Variants in STK32B observed in about 807,000 individuals in gnomAD.
The protein encoded by STK32B is serine/threonine kinase 32B.
In STK32B, 43 loss-of-function variants were observed where a neutral mutation model predicts 52.6. That is an observed-to-expected ratio of 0.82 (90% CI 0.64 to 1.05). The LOEUF (loss-of-function observed/expected upper bound fraction) is 1.05. STK32B is among the 50% of genes least tolerant of loss of function. The probability of loss-of-function intolerance (pLI) is 0.00; values close to 1 mark genes in which losing one functional copy is unlikely to be tolerated. For synonymous variants in STK32B, 238 were observed against 204.3 expected (o/e 1.17, Z -1.41); for missense variants, 621 against 534.6 (o/e 1.16, Z -1.59).
chr4:5,323,251 A>G (rs1440802261), intron 3 of STK32B, among the ~76,000 whole-genome samples: 1 of 152,094 alleles, frequency 6.6e-6, no homozygotes, highest in Non-Finnish European at 1.5e-5. Flanking sequence ...GAGTTCTGAA[A>G]TGGAATCACC....
intron 1 of STK32B, among the ~76,000 whole-genome samples, chr4:5,072,021 A>G (rs1020252711): frequency 1.3e-5 from 2 of 151,978 alleles, no homozygotes; most frequent in African/African-American, 4.8e-5. Context: ...AGATGCCCCA[A>G]CTCCTCATCT....
chr4:5,482,846 A>T (rs939331991), intron 11 of STK32B, among the ~76,000 whole-genome samples: 1 of 152,136 alleles, frequency 6.6e-6, no homozygotes, highest in Non-Finnish European at 1.5e-5. Flanking sequence ...TGAGATAATC[A>T]TGTGGTTTTT....
chr4:5,107,117 A>G (rs1364101406), intron 1 of STK32B, among the ~76,000 whole-genome samples: 1 of 152,120 alleles, frequency 6.6e-6, no homozygotes, highest in Non-Finnish European at 1.5e-5. Context: ...GCCTCCTGTC[A>G]CATTAGCTCC....
At chr4:5,482,824 T>C (rs1718831619) in intron 11 of STK32B, among the ~76,000 whole-genome samples, 1 of 152,212 alleles carries the variant, frequency 6.6e-6, no homozygotes, top group Non-Finnish European at 1.5e-5. Context: ...CAAAGGCCTT[T>C]TCTGCATCTA....
intron 6 of STK32B, among the ~76,000 whole-genome samples, chr4:5,442,999 T>C (rs1714947649): frequency 6.6e-6 from 1 of 151,630 alleles, no homozygotes; most frequent in Admixed American, 6.6e-5. Flanking sequence ...GGCTTCCCTT[T>C]GAGGGTAACC....
intron 11 of STK32B, among the ~76,000 whole-genome samples, chr4:5,477,483 C>T (rs1718331973): frequency 6.6e-6 from 1 of 152,160 alleles, no homozygotes; most frequent in Admixed American, 6.5e-5. Context: ...GTCCATTATT[C>T]ACCACCCACC....
At chr4:5,381,152 A>T (rs77709971) in intron 4 of STK32B, among the ~76,000 whole-genome samples, 5,585 of 152,290 alleles carry the variant, frequency 0.037, 336 homozygotes, top group African/African-American at 0.13. Context: ...AAGCTGTGAA[A>T]ATGTGATAGA....
At chr4:5,443,244 A>G (rs1281460468) in intron 6 of STK32B, among the ~76,000 whole-genome samples, 11 of 147,126 alleles carry the variant, frequency 7.5e-5, no homozygotes, top group Non-Finnish European at 1.4e-4. Flanking sequence ...AGGTACACCA[A>G]TCAGACGTAG....
At chr4:5,417,025 GC>G in intron 6 of STK32B, 91 bp downstream of exon 6, 1 of 1,150,054 alleles carries the variant, frequency 8.7e-7, no homozygotes, top group Non-Finnish European at 1.2e-6. Context: ...ACTGCCCGCT[GC>G]CACATACCCT....
intron 3 of STK32B, among the ~76,000 whole-genome samples, chr4:5,268,871 G>A (rs1215740113): frequency 1.3e-5 from 2 of 151,990 alleles, no homozygotes; most frequent in African/African-American, 4.8e-5. Flanking sequence ...AAAACAATAA[G>A]CAATAGTTTG....
At chr4:5,456,012 C>T (rs1716479966) in intron 7 of STK32B, among the ~76,000 whole-genome samples, 1 of 152,024 alleles carries the variant, frequency 6.6e-6, no homozygotes, top group Non-Finnish European at 1.5e-5. Context: ...GACCGCAGTT[C>T]AGCTGGAGAG....
intron 4 of STK32B, among the ~76,000 whole-genome samples, chr4:5,347,337 A>C (rs1733535814): frequency 6.6e-6 from 1 of 152,228 alleles, no homozygotes; most frequent in African/African-American, 2.4e-5. Flanking sequence ...ATAAATAAAA[A>C]TACTATCTAC....
chr4:5,153,394 A>T (rs1680237171), intron 2 of STK32B, among the ~76,000 whole-genome samples: 1 of 151,992 alleles, frequency 6.6e-6, no homozygotes, highest in African/African-American at 2.4e-5. Context: ...TTAGGTTCTT[A>T]TGTGAGAATA....
At chr4:5,260,378 G>A (rs1726633669) in intron 3 of STK32B, among the ~76,000 whole-genome samples, 3 of 152,300 alleles carry the variant, frequency 2.0e-5, no homozygotes, top group Middle Eastern at 6.8e-3. Flanking sequence ...GCCAGAAGGA[G>A]CACACAGCTA....
intron 1 of STK32B, among the ~76,000 whole-genome samples, chr4:5,054,690 T>G (rs1369025595): frequency 6.6e-6 from 1 of 152,182 alleles, no homozygotes; most frequent in East Asian, 1.9e-4. Context: ...GGGAGTGACA[T>G]GGTCCAGTGA....
intron 5 of STK32B, among the ~76,000 whole-genome samples, chr4:5,405,999 A>G (rs183350558): frequency 6.6e-6 from 1 of 152,332 alleles, no homozygotes; most frequent in Admixed American, 6.5e-5. Flanking sequence ...CATCTGAGAC[A>G]ATACCAGTAA....
At chr4:5,233,310 T>C (rs1025926193) in intron 3 of STK32B, among the ~76,000 whole-genome samples, 3 of 152,154 alleles carry the variant, frequency 2.0e-5, no homozygotes, top group African/African-American at 7.2e-5. Context: ...TTTACCAATA[T>C]CATGGGATTG....
intron 3 of STK32B, among the ~76,000 whole-genome samples, chr4:5,229,310 C>T (rs1316942669): frequency 6.6e-6 from 1 of 151,646 alleles, no homozygotes; most frequent in Non-Finnish European, 1.5e-5. Flanking sequence ...CTATAATGCA[C>T]TGTTTGGGTT....
At chr4:5,250,149 G>A (rs928080014) in intron 3 of STK32B, among the ~76,000 whole-genome samples, 39 of 152,046 alleles carry the variant, frequency 2.6e-4, no homozygotes, top group Non-Finnish European at 5.7e-4. Flanking sequence ...TCTTTATCCA[G>A]TCTGCTATTG....
Sources: allele counts gnomAD v4.1 joint callset (sites outside exome capture counted in the v4.1 genomes callset), GRCh38; gene constraint gnomAD v4.1.1; transcripts MANE v1.5; gene names NCBI Gene and HGNC (gene_info 2026-07-23, HGNC 2026-07-21).